Variants in L3MBTL4 observed in about 807,000 individuals in gnomAD.
L3MBTL4 encodes the protein L3MBTL histone methyl-lysine binding protein 4, also known as lethal(3)malignant brain tumor-like protein 4.
In L3MBTL4, 70 loss-of-function variants were observed where a neutral mutation model predicts 84.5. That is an observed-to-expected ratio of 0.83 (90% confidence interval 0.68 to 1.01). The LOEUF is 1.01. Ranked by LOEUF, L3MBTL4 falls within the 50% of genes least tolerant of loss-of-function variation. The pLI is 0.00. For synonymous variants in L3MBTL4, 274 were observed against 259.8 expected, an observed-to-expected ratio of 1.05 and a Z score of -0.52; for missense variants, 715 against 754.8, an observed-to-expected ratio of 0.95 and a Z score of 0.62.
At chr18:6,293,109 C>T (rs2049940846) in intron 4 of L3MBTL4, among the ~76,000 whole-genome samples, 1 of 152,128 alleles carries the variant, frequency 6.6e-6, no homozygotes, top group Non-Finnish European at 1.5e-5. Context: ...CCAAATAAAA[C>T]ATTTTAAATA....
chr18:6,373,894 T>C (rs1410103967), intron 1 of L3MBTL4, among the ~76,000 whole-genome samples: 1 of 152,222 alleles, frequency 6.6e-6, no homozygotes, highest in Non-Finnish European at 1.5e-5. Flanking sequence ...TGTTTTGTTT[T>C]GTTTCCTAAG....
chr18:5,982,030 A>G (rs1469180256), intron 16 of L3MBTL4, among the ~76,000 whole-genome samples: 1 of 149,876 alleles, frequency 6.7e-6, no homozygotes, highest in African/African-American at 2.5e-5. Context: ...AAAAGGAAGA[A>G]CGAAAGCAAA....
At chr18:6,029,063 A>G (rs1168102628) in intron 16 of L3MBTL4, among the ~76,000 whole-genome samples, 2 of 152,238 alleles carry the variant, frequency 1.3e-5, no homozygotes, top group African/African-American at 2.4e-5. Context: ...CTAAAAAGTG[A>G]AAGTTTAAAT....
intron 12 of L3MBTL4, among the ~76,000 whole-genome samples, chr18:6,204,603 T>C (rs2045793299): frequency 2.0e-5 from 3 of 152,244 alleles, no homozygotes. Context: ...CTCTACATGA[T>C]AGTAAATAAA....
At position 6,093,510 on chromosome 18, in the gene L3MBTL4, A is replaced by T. The variant is rs762855034; in HGVS notation, c.1218T>A (p.Tyr406Ter). The T allele has an allele frequency of 1.2e-6, 2 of 1,613,142 alleles. No individual in the cohort carries two copies. Among genetic ancestry groups the T allele is most frequent in the Non-Finnish European group, 1.7e-6 (2 of 1,179,734 alleles). ...SGHHSAFGCP[Y>*]SDMNLKKEAT... is the part of the protein sequence containing the mutation. ...CCTCCTTTTTCAAGTTCATGTCTGA[A>T]TACGGGCAGCCAAAAGCACTGGTTT... The change falls in exon 15 of 19, where the codon TAT becomes TAA. Residue 406 changes from tyrosine (Y) to a stop codon, truncating the protein, a stop_gained. Transcript: ENST00000317931. LOFTEE classifies it high-confidence loss of function.
intron 16 of L3MBTL4, among the ~76,000 whole-genome samples, chr18:5,983,026 T>C (rs1162713338): frequency 6.6e-6 from 1 of 152,144 alleles, no homozygotes; most frequent in Non-Finnish European, 1.5e-5. Flanking sequence ...TTTCCTTAAG[T>C]CTTTTACTCC....
At chr18:6,105,693 T>C (rs188380631) in intron 14 of L3MBTL4, among the ~76,000 whole-genome samples, 106 of 151,154 alleles carry the variant, frequency 7.0e-4, no homozygotes, top group Non-Finnish European at 1.2e-3. Context: ...CCAGCTACTC[T>C]GGAGGCTAAG....
intron 16 of L3MBTL4, among the ~76,000 whole-genome samples, chr18:5,970,020 A>G (rs2052561683): frequency 1.3e-5 from 2 of 152,246 alleles, no homozygotes; most frequent in African/African-American, 4.8e-5. Context: ...CTAAAGACAG[A>G]ATGAGCCTCA....
At chr18:6,181,145 G>C (rs1048836101) in intron 12 of L3MBTL4, among the ~76,000 whole-genome samples, 9 of 150,914 alleles carry the variant, frequency 6.0e-5, no homozygotes, top group Non-Finnish European at 8.8e-5. Flanking sequence ...CTTTCTGTTT[G>C]AGGTGAGGAC....
At chr18:6,111,700 A>T (rs935719006) in intron 14 of L3MBTL4, among the ~76,000 whole-genome samples, 6 of 152,178 alleles carry the variant, frequency 3.9e-5, no homozygotes, top group African/African-American at 1.4e-4. Context: ...TTATTTATTT[A>T]TAATTGACAA....
intron 13 of L3MBTL4, among the ~76,000 whole-genome samples, chr18:6,164,233 C>T (rs1474708880): frequency 6.6e-6 from 1 of 152,236 alleles, no homozygotes; most frequent in Admixed American, 6.5e-5. Flanking sequence ...CTGCCTGCCT[C>T]TGTAGGCTCC....
intron 12 of L3MBTL4, among the ~76,000 whole-genome samples, chr18:6,188,348 T>TGTAAA (rs1355929478): frequency 1.3e-5 from 2 of 151,058 alleles, no homozygotes; most frequent in Non-Finnish European, 2.9e-5. Context: ...TAATTATTAA[T>TGTAAA]AAATTAATAA....
rs544602263 is a variant in L3MBTL4 at position 6,214,400 on chromosome 18, T to C, written c.871-1141A>G. On this transcript the variant is annotated intron_variant, in intron 11 of 18. Coordinates refer to ENST00000317931, the MANE Select transcript of L3MBTL4 (RefSeq NM_001330559.2). Reference sequence around the variant, plus strand: ...GAAATTCAACTCTCAAAAATCAAAATCAAAAGCAACTCTGATAGTTTCTAT... The same window carrying C: ...GAAATTCAACTCTCAAAAATCAAAACCAAAAGCAACTCTGATAGTTTCTAT... 4.0e-5 allele frequency among the ~76,000 whole-genome samples: 6 copies of C among 151,454 alleles called. No individual in the cohort carries two copies. In the East Asian group the frequency reaches 1.2e-3, roughly 30 times the overall value.
intron 16 of L3MBTL4, among the ~76,000 whole-genome samples, chr18:6,072,821 A>G (rs577912423): frequency 2.2e-5 from 3 of 135,948 alleles, no homozygotes; most frequent in South Asian, 2.5e-4. Context: ...GTGCCACTGC[A>G]CTCCAGCACT....
intron 4 of L3MBTL4, among the ~76,000 whole-genome samples, chr18:6,289,245 A>G (rs2049734857): frequency 1.3e-5 from 2 of 152,244 alleles, no homozygotes; most frequent in Admixed American, 6.5e-5. Context: ...ATTGGGAAAA[A>G]TTTGCTTGTT....
At chr18:6,031,984 CTT>C (rs11333961) in intron 16 of L3MBTL4, 213 of 326,844 alleles carry the variant, frequency 6.5e-4, no homozygotes, top group Non-Finnish European at 8.4e-4. Context: ...TTCTTTCTTT[CTT>C]TTTTTTTTTG....
At chr18:6,243,807 A>G (rs1028099915) in intron 6 of L3MBTL4, among the ~76,000 whole-genome samples, 2 of 152,230 alleles carry the variant, frequency 1.3e-5, no homozygotes, top group East Asian at 3.8e-4. Flanking sequence ...AGTGTAAGCT[A>G]AAGTACAAAG....
intron 17 of L3MBTL4, among the ~76,000 whole-genome samples, chr18:5,962,592 C>T (rs141622679): frequency 6.8e-4 from 103 of 152,318 alleles, no homozygotes; most frequent in African/African-American, 1.8e-3. Context: ...GCAGTCCAGG[C>T]ATCACACCAC....
chr18:6,240,280 T>G (rs887672311), intron 8 of L3MBTL4, among the ~76,000 whole-genome samples: 3 of 152,096 alleles, frequency 2.0e-5, no homozygotes, highest in African/African-American at 7.2e-5. Context: ...GTGGTGAAGA[T>G]ATGCTCTAAT....
Sources: gnomAD v4.1 joint callset for allele counts (sites outside exome capture counted in the v4.1 genomes callset) on GRCh38, gnomAD v4.1.1 for gene constraint, MANE v1.5 for transcripts, NCBI Gene and HGNC (gene_info 2026-07-23, HGNC 2026-07-21) for gene names.